Variants in ZIC2 observed in about 807,000 individuals in gnomAD.
ZIC2 encodes zinc finger protein ZIC 2.
In ZIC2, 7 loss-of-function variants were observed where a neutral mutation model predicts 29.5. That is an observed-to-expected ratio of 0.24 (90% CI 0.14 to 0.45). The LOEUF is 0.45. Among genes scored for constraint, ZIC2 ranks in the 20% least tolerant of loss-of-function variants. The probability of loss-of-function intolerance (pLI) is 1.00; values close to 1 mark genes in which losing one functional copy is unlikely to be tolerated. For missense variants in ZIC2, 589 were observed against 781.2 expected (o/e 0.75, Z 2.93); for synonymous variants, 408 against 354.2 (o/e 1.15, Z -1.70).
chr13:99,982,298 G>A lies in ZIC2; in HGVS notation c.234G>A (p.Thr78=). 1.3e-6 allele frequency: 2 copies of A among 1,485,686 alleles called. No individual in the cohort carries two copies. The highest frequency in any genetic ancestry group is 1.3e-5 in the South Asian group (1 of 78,296). The allele number at this position is 1,485,686 out of a possible 1,614,324, so 92.0% of individuals were successfully genotyped here. Reference sequence around the variant, plus strand: ...CCCCGGGCCAGAGCTCGGCGTTCACGTCGCAGGGCCCCGGCGCCTACCCCG... The same window carrying A: ...CCCCGGGCCAGAGCTCGGCGTTCACATCGCAGGGCCCCGGCGCCTACCCCG... ...ELSPGQSSAF[T]SQGPGAYPGS... The change falls in exon 1 of 3, where the codon ACG becomes ACA. Residue 78 remains threonine, a synonymous_variant. Coordinates refer to ENST00000376335, the MANE Select transcript of ZIC2 (RefSeq NM_007129.5).
chr13:99,985,484 G>C lies in ZIC2; in HGVS notation c.1401G>C (p.Ala467=). 7.9e-7 allele frequency: 1 copy of C among 1,260,006 alleles called. No individual in the cohort carries two copies. Among genetic ancestry groups the C allele is most frequent in the Non-Finnish European group, 9.9e-7 (1 of 1,010,934 alleles). The allele number at this position is 1,260,006 out of a possible 1,614,324, so 78.1% of individuals were successfully genotyped here. Residue 467 remains alanine, a synonymous_variant, in exon 3 of 3, where the codon GCG becomes GCC. Coordinates refer to ENST00000376335, the MANE Select transcript of ZIC2 (RefSeq NM_007129.5). This position sits in a 1 kb window ranked among gnomAD's most constrained non-coding sequence, Gnocchi z 6.3. ...CAGCGGCGGCGGCGGCTGCGGCGGC[G>C]GCGGCCGCGGTGTCCGCGGTGCACC... is the stretch of plus-strand genomic sequence containing the variant. ...AAAAAAAAAA[A]AAAVSAVHRG...
chr13:99,982,738 T>G lies in ZIC2; in HGVS notation c.674T>G (p.Met225Arg). The G allele has an allele frequency of 1.2e-6, 2 of 1,601,712 alleles. No individual in the cohort carries two copies. The stretch of plus-strand genomic sequence containing the variant: ...ATGAATATGAACATGGGTATGAACA[T>G]GGCAGCAGCCGCGGCCCACCACCAC... ...GPMNMNMGMN[M>R]AAAAAHHHHH... is the part of the protein sequence containing the mutation. The change falls in exon 1 of 3, where the codon ATG (methionine) becomes AGG (arginine). Residue 225 changes from methionine to arginine, a missense_variant. Transcript: ENST00000376335.
rs1355834066 is a variant in ZIC2 at position 99,982,415 on chromosome 13, G to A, written c.351G>A (p.Arg117=). ...SYSGPPFNST[R]DFLFRSRGFG... The stretch of plus-strand genomic sequence containing the variant: ...CTGGGCCGCCCTTCAACTCCACCCG[G>A]GACTTCCTGTTCCGCAGCCGCGGCT... Residue 117 remains arginine, a synonymous_variant, in exon 1 of 3, where the codon CGG becomes CGA. Coordinates refer to ENST00000376335, the MANE Select transcript of ZIC2 (RefSeq NM_007129.5). 2.0e-6 allele frequency: 3 copies of A among 1,472,062 alleles called. No individual in the cohort carries two copies. Among genetic ancestry groups the A allele is most frequent in the Admixed American group, 5.4e-5 (2 of 37,132 alleles). The allele number at this position is 1,472,062 out of a possible 1,614,324, so 91.2% of individuals were successfully genotyped here.
chr13:99,982,038 T>A lies in ZIC2; in HGVS notation c.-27T>A. Reference sequence around the variant, plus strand: ...TCGAGGCGGCGCGGAGGCGCAGGGCTCGCAGGGGCGGGCGGGCGCGCTGGC... The same window carrying A: ...TCGAGGCGGCGCGGAGGCGCAGGGCACGCAGGGGCGGGCGGGCGCGCTGGC... On this transcript the variant is annotated 5_prime_UTR_variant, in exon 1 of 3. Transcript: ENST00000376335. 1 of 1,224,298 alleles carries A rather than the reference T, an allele frequency of 8.2e-7. No individual in the cohort carries two copies. Among genetic ancestry groups the A allele is most frequent in the Non-Finnish European group, 1.0e-6 (1 of 984,756 alleles). The allele number at this position is 1,224,298 out of a possible 1,614,324, so 75.8% of individuals were successfully genotyped here.
At position 99,982,721 on chromosome 13, in the gene ZIC2, G is replaced by A. The variant is rs1638325705; in HGVS notation, c.657G>A (p.Met219Ile). Residue 219 changes from methionine (M) to isoleucine (I), a missense_variant, in exon 1 of 3, where the codon ATG becomes ATA. By Grantham distance (10) the Met-to-Ile change is conservative (BLOSUM62 1). Coordinates refer to ENST00000376335, the MANE Select transcript of ZIC2 (RefSeq NM_007129.5). ...QLHNQYGPMN[M>I]NMGMNMAAAA... The stretch of plus-strand genomic sequence containing the variant: ...ACAACCAGTACGGCCCCATGAATAT[G>A]AACATGGGTATGAACATGGCAGCAG... 4 of 1,601,250 alleles carry A rather than the reference G, an allele frequency of 2.5e-6. No individual in the cohort carries two copies. Among genetic ancestry groups the A allele is most frequent in the Non-Finnish European group, 3.4e-6 (4 of 1,179,916 alleles).
In ZIC2 at chr13:99,985,578, G is replaced by C. The variant is rs1197197798; in HGVS notation, c.1495G>C (p.Gly499Arg). The C allele has an allele frequency of 1.0e-6, 1 of 1,002,472 alleles. No individual in the cohort carries two copies. Among genetic ancestry groups the C allele is most frequent in the East Asian group, 1.0e-4 (1 of 9,870 alleles). The allele number at this position is 1,002,472 out of a possible 1,614,324, so 62.1% of individuals were successfully genotyped here. A position where few individuals can be genotyped will look rare whatever the true frequency, so the allele number is the denominator to read the frequency against. Residue 499 changes from glycine (G) to arginine (R), a missense_variant, in exon 3 of 3, where the codon GGC becomes CGC. Around this residue, in one of 7 missense-constraint regions of ZIC2, gnomAD observed 135 missense variants for 136.7 expected, o/e 0.99. Transcript: ENST00000376335. This position sits in a 1 kb window ranked among gnomAD's most constrained non-coding sequence, Gnocchi z 6.3. ...CGGCGGCAGCGGCAGTGGCGGGGGC[G>C]GCGGCGGGGCGGGCGGCGGGGGCGG... Reference protein sequence around the residue: ...SGGGSGSGGGGGGAGGGGGGS... With the variant: ...SGGGSGSGGGRGGAGGGGGGS...
Position 99,981,900 on chromosome 13 carries a change from G to A in ZIC2, c.-165G>A. ...GCCCGAGGCAGATCCAGGCGGCGGC[G>A]GAGGCGGCGGGCGCAGGAGAGCGGC... On this transcript the variant is annotated 5_prime_UTR_variant, in exon 1 of 3. Transcript: ENST00000376335. 1 of 1,235,202 alleles carries A rather than the reference G, an allele frequency of 8.1e-7. No homozygotes were observed. Among genetic ancestry groups the A allele is most frequent in the African/African-American group, 1.6e-5 (1 of 61,676 alleles). The allele number at this position is 1,235,202 out of a possible 1,614,324, so 76.5% of individuals were successfully genotyped here. A position where few individuals can be genotyped will look rare whatever the true frequency, so the allele number is the denominator to read the frequency against.
In ZIC2 at chr13:99,982,112, C is replaced by T; in HGVS notation, c.48C>T (p.Ser16=). The change falls in exon 1 of 3, where the codon AGC becomes AGT. Residue 16 remains serine, a synonymous_variant. Transcript: ENST00000376335. Reference sequence around the variant, plus strand: ...AGTTCCCGGCCATCGGGGTGGGCAGCTTCGCGCGCCACCATCACCACTCCG... The same window carrying T: ...AGTTCCCGGCCATCGGGGTGGGCAGTTTCGCGCGCCACCATCACCACTCCG... ...GPQFPAIGVG[S]FARHHHHSAA... The T allele has an allele frequency of 1.5e-6, 2 of 1,291,800 alleles. No individual in the cohort carries two copies. Among genetic ancestry groups the T allele is most frequent in the Non-Finnish European group, 2.0e-6 (2 of 1,024,312 alleles). 80.0% of individuals were successfully genotyped at this position (1,291,800 alleles called of 1,614,324 possible). A position where few individuals can be genotyped will look rare whatever the true frequency, so the allele number is the denominator to read the frequency against.
chr13:99,986,315 A>G lies in ZIC2; in HGVS notation c.*633A>G, dbSNP rs1226107041. The G allele has an allele frequency of 7.3e-6, 2 of 273,622 alleles. No individual in the cohort carries two copies. Among genetic ancestry groups the G allele is most frequent in the Non-Finnish European group, 1.4e-5 (2 of 139,454 alleles). The allele number at this position is 273,622 out of a possible 1,614,324, so 16.9% of individuals were successfully genotyped here. A position where few individuals can be genotyped will look rare whatever the true frequency, so the allele number is the denominator to read the frequency against. On this transcript the variant is annotated 3_prime_UTR_variant, in exon 3 of 3. Coordinates refer to ENST00000376335, the MANE Select transcript of ZIC2 (RefSeq NM_007129.5). ...ATGTAACTATAGACTGGAAAAAATG[A>G]GCCGTGCCAAAGTCTCCCTTCTGTT...
At position 99,986,723 on chromosome 13, in the gene ZIC2, G is replaced by A. The variant is rs2053272366; in HGVS notation, c.*1041G>A. The A allele has an allele frequency of 1.3e-5, 2 of 152,608 alleles. No homozygotes were observed. The highest frequency in any genetic ancestry group is 2.9e-5 in the Non-Finnish European group (2 of 68,052). The allele number at this position is 152,608 out of a possible 1,614,324, so 9.5% of individuals were successfully genotyped here. On this transcript the variant is annotated 3_prime_UTR_variant, in exon 3 of 3. Coordinates refer to ENST00000376335, the MANE Select transcript of ZIC2 (RefSeq NM_007129.5). ...TTGATCATTTCTTGTGATGTTTTGA[G>A]AGTAATGCATACAGAAATATAATAA... is the stretch of plus-strand genomic sequence containing the variant.
chr13:99,981,853 C>T lies in ZIC2; in HGVS notation c.-212C>T. On this transcript the variant is annotated 5_prime_UTR_variant, in exon 1 of 3. Transcript: ENST00000376335. ...CGCCTCCTCCTCCTCTTCCTCTCCG[C>T]GCCTTCGCTACGCGCCCGGCCGCCC... The T allele has an allele frequency of 1.0e-6, 1 of 999,558 alleles. No homozygotes were observed. The highest frequency in any genetic ancestry group is 1.4e-6 in the Non-Finnish European group (1 of 729,710). The allele number at this position is 999,558 out of a possible 1,614,324, so 61.9% of individuals were successfully genotyped here.
rs1244394494 is a variant in ZIC2, at chr13:99,985,826, A to ATT, written c.*149_*150dup. 3.3e-6 allele frequency: 1 copy of ATT among 299,004 alleles called. No individual in the cohort carries two copies. Among genetic ancestry groups the ATT allele is most frequent in the African/African-American group, 2.8e-5 (1 of 36,134 alleles). 18.5% of individuals were successfully genotyped at this position (299,004 alleles called of 1,614,324 possible). ...TGATGAAAATTTTACCAGCAGAAGG[A>ATT]TTTTTTAAAGTTTTTTTTTTTTTTT... On this transcript the variant is annotated 3_prime_UTR_variant, in exon 3 of 3. Transcript: ENST00000376335. This position sits in a 1 kb window ranked among gnomAD's most constrained non-coding sequence, Gnocchi z 6.3.
rs2053249590 is a variant in ZIC2 at position 99,983,990 on chromosome 13, T to C, written c.1075+851T>C. ...TCCCCCGTCAATATTTACTCCGAAGTGGGGATGCGCCAGCGGCCTATTGTT... is the reference window on the plus strand; with the variant it reads ...TCCCCCGTCAATATTTACTCCGAAGCGGGGATGCGCCAGCGGCCTATTGTT... On this transcript the variant is annotated intron_variant, in intron 1 of 2. Coordinates refer to ENST00000376335, the MANE Select transcript of ZIC2 (RefSeq NM_007129.5). The surrounding 1 kb of genome is among the most constrained non-coding windows in gnomAD (Gnocchi z 4.7). Among the ~76,000 whole-genome samples, 1 of 152,152 alleles carries C rather than the reference T, an allele frequency of 6.6e-6. No individual in the cohort carries two copies. The highest frequency in any genetic ancestry group is 2.4e-5 in the African/African-American group (1 of 41,432).
chr13:99,982,605 C>T lies in ZIC2; in HGVS notation c.541C>T (p.Leu181Phe), dbSNP rs1337387292. ...SQNVLNGQMR[L>F]GLPGEVFGRS... ...GAATGTGCTCAACGGGCAGATGCGC[C>T]TCGGGCTGCCCGGCGAGGTGTTCGG... The change falls in exon 1 of 3, where the codon CTC becomes TTC. Residue 181 changes from leucine to phenylalanine, a missense_variant. Around this residue, in one of 7 missense-constraint regions of ZIC2, gnomAD observed 358 missense variants for 382.0 expected, o/e 0.94. Transcript: ENST00000376335. The T allele has an allele frequency of 6.3e-7, 1 of 1,584,052 alleles. No homozygotes were observed. Among genetic ancestry groups the T allele is most frequent in the African/African-American group, 1.3e-5 (1 of 74,552 alleles).
At position 99,986,103 on chromosome 13, in the gene ZIC2, T is replaced by C; in HGVS notation, c.*421T>C. 1 of 452,962 alleles carries C rather than the reference T, an allele frequency of 2.2e-6. No homozygotes were observed. The highest frequency in any genetic ancestry group is 1.6e-5 in the South Asian group (1 of 63,312). 28.1% of individuals were successfully genotyped at this position (452,962 alleles called of 1,614,324 possible). A position where few individuals can be genotyped will look rare whatever the true frequency, so the allele number is the denominator to read the frequency against. Reference sequence around the variant, plus strand: ...TTTGGTGTATAGAAGTTTGTCCATTTGTAAAACTCCGGATTGCGTTCCTCC... The same window carrying C: ...TTTGGTGTATAGAAGTTTGTCCATTCGTAAAACTCCGGATTGCGTTCCTCC... On this transcript the variant is annotated 3_prime_UTR_variant, in exon 3 of 3. Coordinates refer to ENST00000376335, the MANE Select transcript of ZIC2 (RefSeq NM_007129.5).
Position 99,985,639 on chromosome 13 carries a change from G to T in ZIC2, c.1556G>T (p.Gly519Val). The change falls in exon 3 of 3, where the codon GGT becomes GTT. Residue 519 changes from glycine to valine, a missense_variant. By Grantham distance (109) the Gly-to-Val change is moderately radical. Transcript: ENST00000376335. This position sits in a 1 kb window ranked among gnomAD's most constrained non-coding sequence, Gnocchi z 6.3. ...SSGGGSGTAG[G>V]HSGLSSNFNE... ...GGCGGGGGCAGCGGGACAGCCGGGG[G>T]TCACAGCGGCCTCTCCTCCAACTTC... 7.8e-7 allele frequency: 1 copy of T among 1,287,738 alleles called. No individual in the cohort carries two copies. The highest frequency in any genetic ancestry group is 1.0e-6 in the Non-Finnish European group (1 of 997,828). The allele number at this position is 1,287,738 out of a possible 1,614,324, so 79.8% of individuals were successfully genotyped here. A position where few individuals can be genotyped will look rare whatever the true frequency, so the allele number is the denominator to read the frequency against.
Position 99,981,971 on chromosome 13 carries a change from C to T in ZIC2, c.-94C>T. 8.4e-7 allele frequency: 1 copy of T among 1,187,084 alleles called. No homozygotes were observed. The highest frequency in any genetic ancestry group is 1.0e-6 in the Non-Finnish European group (1 of 960,944). 73.5% of individuals were successfully genotyped at this position (1,187,084 alleles called of 1,614,324 possible). A position where few individuals can be genotyped will look rare whatever the true frequency, so the allele number is the denominator to read the frequency against. ...CCACCACCGCCGCCTGCGCCTGGAGCCCGGTGGCCGCCGGACGCACCGCGC... is the reference window on the plus strand; with the variant it reads ...CCACCACCGCCGCCTGCGCCTGGAGTCCGGTGGCCGCCGGACGCACCGCGC... On this transcript the variant is annotated 5_prime_UTR_variant, in exon 1 of 3. Transcript: ENST00000376335.
At chr13:99,984,852 T>C (rs1048221388) in intron 1 of ZIC2, 94 bp from the exon 2 acceptor site, 3 of 1,554,454 alleles carry the variant, frequency 1.9e-6, no homozygotes, top group Non-Finnish European at 2.6e-6. Context: ...CTCAGGTCCT[T>C]CTCCCTCGCC....
rs2053270010 is a variant in ZIC2, at chr13:99,986,367, C to T, written c.*685C>T. On this transcript the variant is annotated 3_prime_UTR_variant, in exon 3 of 3. Transcript: ENST00000376335. ...CTTCAGCACATTGACCCATAGCACA[C>T]ACATACACACCACCACCAACAACGC... The T allele has an allele frequency of 1.0e-5, 2 of 193,956 alleles. No homozygotes were observed. The highest frequency in any genetic ancestry group is 1.8e-4 in the South Asian group (2 of 10,974). 12.0% of individuals were successfully genotyped at this position (193,956 alleles called of 1,614,324 possible). A position where few individuals can be genotyped will look rare whatever the true frequency, so the allele number is the denominator to read the frequency against.
Sources: gnomAD v4.1 joint callset for allele counts (sites outside exome capture counted in the v4.1 genomes callset) on GRCh38, gnomAD v4.1.1 for gene constraint, gnomAD v4.1.1 regional missense constraint, Gnocchi (gnomAD v3.1) non-coding constraint, MANE v1.5 for transcripts, NCBI Gene and HGNC (gene_info 2026-07-23, HGNC 2026-07-21) for gene names.